The following ANTXR1 variants were observed in gnomAD, a reference collection of about 807,000 sequenced individuals.
The protein encoded by ANTXR1 is ANTXR cell adhesion molecule 1.
Under a neutral mutation model 78.1 loss-of-function variants are expected in ANTXR1, and 19 were observed. The ratio of observed to expected loss-of-function variants is 0.24; its 90% CI spans 0.17 to 0.36. The LOEUF (loss-of-function observed/expected upper bound fraction) is 0.36. Ranked by LOEUF, ANTXR1 falls within the 10% of genes least tolerant of loss-of-function variation. The probability of loss-of-function intolerance (pLI) is 1.00; values close to 1 mark genes in which losing one functional copy is unlikely to be tolerated. For missense variants in ANTXR1, 518 were observed against 718.6 expected (o/e 0.72, Z 3.19); for synonymous variants, 273 against 260.5 (o/e 1.05, Z -0.46).
intron 17 of ANTXR1, among the ~76,000 whole-genome samples, chr2:69,221,194 G>C (rs549923287): frequency 2.0e-5 from 3 of 152,286 alleles, no homozygotes; most frequent in African/African-American, 7.2e-5. Context: ...TTACAGAGGA[G>C]CAGAGCCCAG....
At chr2:69,211,759 G>A (rs1038043388) in intron 17 of ANTXR1, among the ~76,000 whole-genome samples, 2 of 152,186 alleles carry the variant, frequency 1.3e-5, no homozygotes, top group Admixed American at 6.5e-5. Flanking sequence ...TGGGAAATGC[G>A]GGACTGACTA....
intron 12 of ANTXR1, among the ~76,000 whole-genome samples, chr2:69,136,702 A>T (rs192579338): frequency 2.0e-5 from 3 of 152,360 alleles, no homozygotes; most frequent in South Asian, 2.1e-4. Context: ...CAATTAGCCA[A>T]GCATAGAACA....
chr2:69,114,932 T>C (rs538079492), intron 10 of ANTXR1, among the ~76,000 whole-genome samples: 7 of 152,330 alleles, frequency 4.6e-5, no homozygotes, highest in African/African-American at 1.7e-4. Context: ...AGGCATGAAC[T>C]ACAGAGTTAT....
intron 1 of ANTXR1, among the ~76,000 whole-genome samples, chr2:69,035,156 C>G (rs915143970): frequency 6.7e-6 from 1 of 149,638 alleles, no homozygotes; most frequent in Non-Finnish European, 1.5e-5. Flanking sequence ...AAGAAGGCAG[C>G]GGGGGGCGGG....
At chr2:69,215,317 A>G (rs1355349429) in intron 17 of ANTXR1, among the ~76,000 whole-genome samples, 7 of 152,202 alleles carry the variant, frequency 4.6e-5, no homozygotes, top group Non-Finnish European at 1.0e-4. Context: ...CCTTCGCCCT[A>G]CCCAGGCCCC....
At chr2:69,169,386 A>G (rs1454051737) in intron 13 of ANTXR1, among the ~76,000 whole-genome samples, 1 of 152,254 alleles carries the variant, frequency 6.6e-6, no homozygotes, top group Non-Finnish European at 1.5e-5. Context: ...ATTATAGTAG[A>G]TAATTGCCAA....
intron 9 of ANTXR1, among the ~76,000 whole-genome samples, chr2:69,092,665 T>C (rs10196822): frequency 0.1 from 15,469 of 152,234 alleles, 899 homozygotes; most frequent in African/African-American, 0.15. Flanking sequence ...AGAATCTCTT[T>C]AAGAATTCAG....
intron 12 of ANTXR1, among the ~76,000 whole-genome samples, chr2:69,126,228 C>G (rs924217787): frequency 6.6e-6 from 1 of 152,160 alleles, no homozygotes; most frequent in Non-Finnish European, 1.5e-5. Context: ...AGGAGCAAAC[C>G]AATTTTCTTG....
Position 69,040,099 on chromosome 2 carries a change from G to A in ANTXR1, c.208G>A (p.Ala70Thr). ...NEIYYFVEQL[A>T]HKFISPQLRM... is the part of the protein sequence containing the mutation. ...AATCTATTACTTTGTGGAACAGTTG[G>A]CTCACAAATTCATCAGGTGAGAAAC... The change falls in exon 2 of 18, where the codon GCT becomes ACT. Residue 70 changes from alanine (A) to threonine (T), a missense_variant. This residue lies in a region of ANTXR1 where 264 missense variants were observed against 391.8 expected (regional missense o/e 0.67). Coordinates refer to ENST00000303714, the MANE Select transcript of ANTXR1 (RefSeq NM_032208.3). 1 of 1,613,298 alleles carries A rather than the reference G, an allele frequency of 6.2e-7. No individual in the cohort carries two copies. Among genetic ancestry groups the A allele is most frequent in the Non-Finnish European group, 8.5e-7 (1 of 1,179,430 alleles).
chr2:69,121,110 A>T (rs1672332426), intron 10 of ANTXR1, among the ~76,000 whole-genome samples: 2 of 152,178 alleles, frequency 1.3e-5, no homozygotes, highest in Non-Finnish European at 2.9e-5. Context: ...GACCTCCCAG[A>T]TGAGGGCCAG....
intron 17 of ANTXR1, among the ~76,000 whole-genome samples, chr2:69,234,989 T>TA (rs551827542): frequency 0.017 from 1,154 of 67,700 alleles, 6 homozygotes; most frequent in Non-Finnish European, 0.024. Flanking sequence ...ATAACATAAC[T>TA]AAAAAAAAAA....
intron 8 of ANTXR1, among the ~76,000 whole-genome samples, chr2:69,078,491 T>C (rs996209959): frequency 1.3e-5 from 2 of 152,102 alleles, no homozygotes; most frequent in Non-Finnish European, 2.9e-5. Context: ...CCCAGGAAAA[T>C]TCCAGCATGG....
intron 17 of ANTXR1, among the ~76,000 whole-genome samples, chr2:69,226,315 C>G (rs917849878): frequency 1.3e-5 from 2 of 152,134 alleles, no homozygotes; most frequent in East Asian, 3.8e-4. Context: ...GTGAGCAGCC[C>G]CTGGGATCTA....
intron 10 of ANTXR1, among the ~76,000 whole-genome samples, chr2:69,116,680 T>C (rs1035353727): frequency 1.3e-5 from 2 of 152,226 alleles, no homozygotes; most frequent in African/African-American, 4.8e-5. Flanking sequence ...ACTATGGGAA[T>C]GTAAGCTCTG....
At chr2:69,134,748 T>C (rs1672862529) in intron 12 of ANTXR1, among the ~76,000 whole-genome samples, 2 of 152,208 alleles carry the variant, frequency 1.3e-5, no homozygotes, top group South Asian at 4.1e-4. Context: ...GCAGTTCAGA[T>C]TGGCCAACCT....
At chr2:69,151,078 A>AT (rs1673377655) in intron 12 of ANTXR1, among the ~76,000 whole-genome samples, 1 of 150,972 alleles carries the variant, frequency 6.6e-6, no homozygotes, top group African/African-American at 2.4e-5. Context: ...ATAGTAACCG[A>AT]TTGCGTAGTA....
chr2:69,063,065 T>A lies in ANTXR1; in HGVS notation c.297-7582T>A, dbSNP rs765194406. 2.0e-4 allele frequency among the ~76,000 whole-genome samples: 30 copies of A among 152,182 alleles called. 1 individual carries two copies. Among genetic ancestry groups the A allele is most frequent in the Non-Finnish European group, 2.5e-4 (17 of 67,994 alleles). ...GACAGAAAGGGAAAAGTCTGAGGGC[T>A]GGAGGGAGAAAATGAACCAGTCCTG... On this transcript the variant is annotated intron_variant, in intron 3 of 17. Transcript: ENST00000303714.
chr2:69,181,078 G>A (rs1674264338), intron 14 of ANTXR1, among the ~76,000 whole-genome samples: 1 of 152,186 alleles, frequency 6.6e-6, no homozygotes, highest in South Asian at 2.1e-4. Flanking sequence ...GAACACACAG[G>A]GCAGAGCTGG....
At chr2:69,118,113 T>C (rs1279229893) in intron 10 of ANTXR1, among the ~76,000 whole-genome samples, 1 of 152,112 alleles carries the variant, frequency 6.6e-6, no homozygotes, top group Non-Finnish European at 1.5e-5. Flanking sequence ...TTCAAGATCA[T>C]CTAAGAATTA....
Sources: gnomAD v4.1 joint callset for allele counts (sites outside exome capture counted in the v4.1 genomes callset) on GRCh38, gnomAD v4.1.1 for gene constraint, gnomAD v4.1.1 regional missense constraint, MANE v1.5 for transcripts, NCBI Gene and HGNC (gene_info 2026-07-23, HGNC 2026-07-21) for gene names.